The following ACOT13 variants were observed in gnomAD, a reference collection of about 807,000 sequenced individuals.
The protein encoded by ACOT13 is acyl-CoA thioesterase 13.
In ACOT13, 10 loss-of-function variants were observed where a neutral mutation model predicts 11.8. That is an observed-to-expected ratio of 0.85 (90% CI 0.53 to 1.44). The LOEUF (loss-of-function observed/expected upper bound fraction) is 1.44, where lower values mean the gene tolerates loss of function less well. Among genes scored for constraint, ACOT13 ranks in the 40% most tolerant of loss-of-function variants. The pLI is 0.00. For synonymous variants in ACOT13, 53 were observed against 61.0 expected (o/e 0.87, Z 0.61); for missense variants, 172 against 174.1 (o/e 0.99, Z 0.07).
At chr6:24,675,388 C>T (rs1778436153) in intron 1 of ACOT13, among the ~76,000 whole-genome samples, 1 of 152,130 alleles carries the variant, frequency 6.6e-6, no homozygotes, top group Admixed American at 6.5e-5. Flanking sequence ...CTGTCCAGCA[C>T]CTGTTGTTTC....
At chr6:24,687,683 TG>T in intron 1 of ACOT13, 1 of 1,520,422 alleles carries the variant, frequency 6.6e-7, no homozygotes. Context: ...AAGACAGAAA[TG>T]GTTAGAAAGG....
At chr6:24,684,153 T>A (rs1434290930) in intron 1 of ACOT13, among the ~76,000 whole-genome samples, 1 of 152,178 alleles carries the variant, frequency 6.6e-6, no homozygotes. Flanking sequence ...ATAATAACTG[T>A]CCCTAACTAT....
chr6:24,685,759 C>G (rs985400474), intron 1 of ACOT13, among the ~76,000 whole-genome samples: 18 of 152,188 alleles, frequency 1.2e-4, no homozygotes, highest in African/African-American at 4.3e-4. Context: ...AGGGACACTA[C>G]TGGCATCTAA....
chr6:24,682,989 T>A (rs1778577570), intron 1 of ACOT13, among the ~76,000 whole-genome samples: 1 of 152,180 alleles, frequency 6.6e-6, no homozygotes, highest in Non-Finnish European at 1.5e-5. Flanking sequence ...TCTGATTGGT[T>A]GGGTGTGAGC....
chr6:24,672,094 G>A (rs1033923853), intron 1 of ACOT13, among the ~76,000 whole-genome samples: 7 of 152,110 alleles, frequency 4.6e-5, no homozygotes, highest in African/African-American at 1.4e-4. Context: ...TTTGATTTTG[G>A]AAAGTTTGTC....
Position 24,700,196 on chromosome 6 carries a change from A to G in ACOT13, c.267-1263A>G, listed in dbSNP as rs576232218. Among the ~76,000 whole-genome samples the G allele has an allele frequency of 8.2e-4, 125 of 152,294 alleles. 1 individual carries two copies. Among genetic ancestry groups the G allele is most frequent in the African/African-American group, 2.5e-3 (105 of 41,562 alleles). ...TTAGAGTATTACTGACAAAATGTCAATCTCCAAATTCCCCGGACTTAATGT... is the reference window on the plus strand; with the variant it reads ...TTAGAGTATTACTGACAAAATGTCAGTCTCCAAATTCCCCGGACTTAATGT... On this transcript the variant is annotated intron_variant, in intron 2 of 2. Transcript: ENST00000230048.
chr6:24,667,664 C>A (rs1472939965), intron 1 of ACOT13, among the ~76,000 whole-genome samples: 1 of 152,190 alleles, frequency 6.6e-6, no homozygotes, highest in Non-Finnish European at 1.5e-5. Flanking sequence ...AGAGAAACCT[C>A]TGCATTTAAG....
At chr6:24,672,635 A>G (rs953962844) in intron 1 of ACOT13, among the ~76,000 whole-genome samples, 9 of 152,194 alleles carry the variant, frequency 5.9e-5, no homozygotes, top group Non-Finnish European at 1.0e-4. Context: ...GCGAGACTCC[A>G]TCTCAAAAAA....
At chr6:24,687,411 G>A (rs1050865956) in intron 1 of ACOT13, 8 of 1,211,838 alleles carry the variant, frequency 6.6e-6, no homozygotes, top group African/African-American at 6.3e-5. Flanking sequence ...ACAGTAACAC[G>A]TGGAGGAACA....
chr6:24,699,304 G>C (rs893345581), intron 2 of ACOT13, among the ~76,000 whole-genome samples: 1 of 150,984 alleles, frequency 6.6e-6, no homozygotes, highest in African/African-American at 2.5e-5. Context: ...CCGCCTCCCG[G>C]GTTCACACCA....
intron 1 of ACOT13, among the ~76,000 whole-genome samples, chr6:24,690,724 A>G (rs917151577): frequency 1.3e-5 from 2 of 152,124 alleles, no homozygotes; most frequent in East Asian, 3.9e-4. Context: ...TTTGCTTCCC[A>G]TGGCATTAGT....
intron 1 of ACOT13, among the ~76,000 whole-genome samples, chr6:24,686,032 A>G (rs902339106): frequency 6.6e-6 from 1 of 151,256 alleles, no homozygotes; most frequent in African/African-American, 2.5e-5. Context: ...CTCAATCTCA[A>G]TTTAAAAAAA....
chr6:24,681,285 G>A (rs1376840715), intron 1 of ACOT13, among the ~76,000 whole-genome samples: 1 of 152,148 alleles, frequency 6.6e-6, no homozygotes, highest in Non-Finnish European at 1.5e-5. Flanking sequence ...TGCCGCTACC[G>A]ACTGAATGCA....
At chr6:24,691,068 C>A (rs1778712092) in intron 1 of ACOT13, among the ~76,000 whole-genome samples, 1 of 152,168 alleles carries the variant, frequency 6.6e-6, no homozygotes, top group Admixed American at 6.5e-5. Flanking sequence ...TGCTTAATAA[C>A]CATTTGTCAA....
In ACOT13 at chr6:24,677,500, C is replaced by T. The variant is rs189244412; in HGVS notation, c.81+10156C>T. Among the ~76,000 whole-genome samples the T allele has an allele frequency of 5.2e-4, 79 of 152,332 alleles. 1 individual carries two copies. Among genetic ancestry groups the T allele is most frequent in the East Asian group, 4.6e-3 (24 of 5,190 alleles). ...CGTAAACAATGAGGCCAACCCTTTG[C>T]CAGTACATCAATTTCCTTACTCAGG... is the stretch of plus-strand genomic sequence containing the variant. On this transcript the variant is annotated intron_variant, in intron 1 of 2. Coordinates refer to ENST00000230048, the MANE Select transcript of ACOT13 (RefSeq NM_018473.4).
chr6:24,674,406 T>TTTTG (rs1173500013), intron 1 of ACOT13, among the ~76,000 whole-genome samples: 1 of 151,400 alleles, frequency 6.6e-6, no homozygotes, highest in Non-Finnish European at 1.5e-5. Context: ...TGGGGGGTTT[T>TTTTG]GTTTGTTTTT....
At chr6:24,700,499 G>A (rs570331284) in intron 2 of ACOT13, among the ~76,000 whole-genome samples, 162 of 139,778 alleles carry the variant, frequency 1.2e-3, no homozygotes, top group African/African-American at 4.0e-3. Context: ...CCAGTGGCGC[G>A]ATCTCGGCTC....
In ACOT13 at chr6:24,697,945, T is replaced by C. The variant is rs1484846340; in HGVS notation, c.144T>C (p.His48=). 2 of 1,613,840 alleles carry C rather than the reference T, an allele frequency of 1.2e-6. No individual in the cohort carries two copies. The highest frequency in any genetic ancestry group is 1.7e-6 in the Non-Finnish European group (2 of 1,179,904). ...GTGAAATGAAAGTAGAAGAAGAGCA[T>C]ACCAATGCAATAGGCACTCTCCACG... is the stretch of plus-strand genomic sequence containing the variant. ...VICEMKVEEE[H]TNAIGTLHGG... The change falls in exon 2 of 3, where the codon CAT becomes CAC. Residue 48 remains histidine, a synonymous_variant. Coordinates refer to ENST00000230048, the MANE Select transcript of ACOT13 (RefSeq NM_018473.4).
At chr6:24,676,501 G>A (rs1445216713) in intron 1 of ACOT13, among the ~76,000 whole-genome samples, 106 of 143,478 alleles carry the variant, frequency 7.4e-4, no homozygotes, top group South Asian at 2.5e-3. Context: ...GTGAATGGGA[G>A]TTCACTCATG....
Sources: allele counts gnomAD v4.1 joint callset (sites outside exome capture counted in the v4.1 genomes callset), GRCh38; gene constraint gnomAD v4.1.1; transcripts MANE v1.5; gene names NCBI Gene and HGNC (gene_info 2026-07-23, HGNC 2026-07-21).